Variants in PNOC observed in about 807,000 individuals in gnomAD.
PNOC encodes the protein nociceptin.
PNOC carries 10 observed loss-of-function variants against 15.6 expected under a neutral mutation model. That is an observed-to-expected ratio of 0.64 (90% CI 0.40 to 1.09). The LOEUF is 1.09. Ranked by LOEUF, PNOC falls within the 50% of genes least tolerant of loss-of-function variation. PNOC has a pLI of 0.01. For synonymous variants in PNOC, 98 were observed against 88.5 expected, an observed-to-expected ratio of 1.11 and a Z score of -0.60; for missense variants, 220 against 223.9, an observed-to-expected ratio of 0.98 and a Z score of 0.11.
In PNOC at chr8:28,339,285, G is replaced by A. The variant is rs762590162; in HGVS notation, c.372G>A (p.Lys124=). 1.2e-6 allele frequency: 2 copies of A among 1,610,834 alleles called. No homozygotes were observed. Among genetic ancestry groups the A allele is most frequent in the South Asian group, 1.1e-5 (1 of 90,936 alleles). The change falls in exon 3 of 4, where the codon AAG becomes AAA. Residue 124 remains lysine (K), a synonymous_variant. Coordinates refer to ENST00000301908, the MANE Select transcript of PNOC (RefSeq NM_006228.5). ...AGGAGGCTGGTGAGATGGAGCAGAA[G>A]CAGCTGCAGAAGAGATTTGGGGGCT... is the stretch of plus-strand genomic sequence containing the variant. ...GMEEAGEMEQ[K]QLQKRFGGFT...
At chr8:28,336,444 T>C (rs1292351701) in intron 2 of PNOC, among the ~76,000 whole-genome samples, 1 of 151,874 alleles carries the variant, frequency 6.6e-6, no homozygotes, top group African/African-American at 2.4e-5. Context: ...AAAGGATGGA[T>C]GGAAGGATGC....
chr8:28,338,080 C>A (rs1289489020), intron 2 of PNOC, among the ~76,000 whole-genome samples: 1 of 152,192 alleles, frequency 6.6e-6, no homozygotes, highest in Non-Finnish European at 1.5e-5. Context: ...TGATGAGGAG[C>A]TCTGCCTACT....
chr8:28,342,031 T>G (rs1801527986), intron 3 of PNOC, among the ~76,000 whole-genome samples: 1 of 152,092 alleles, frequency 6.6e-6, no homozygotes, highest in Non-Finnish European at 1.5e-5. Flanking sequence ...GGGGCCACCT[T>G]ACACTGGAAT....
intron 2 of PNOC, among the ~76,000 whole-genome samples, chr8:28,336,907 T>G (rs2129897410): frequency 6.6e-6 from 1 of 152,036 alleles, no homozygotes; most frequent in East Asian, 1.9e-4. Flanking sequence ...GTTTGAAATC[T>G]GAGTCAACTG....
chr8:28,320,996 T>C (rs7825003), intron 1 of PNOC, among the ~76,000 whole-genome samples: 98,747 of 152,020 alleles, frequency 0.65, 35,263 homozygotes, highest in Non-Finnish European at 0.79. Flanking sequence ...TTCTTTCTTT[T>C]TGAGTTGGAG....
At chr8:28,322,377 G>A (rs559327382) in intron 1 of PNOC, among the ~76,000 whole-genome samples, 4 of 152,248 alleles carry the variant, frequency 2.6e-5, no homozygotes, top group African/African-American at 9.6e-5. Context: ...GGGCAACAGA[G>A]CGAGACTCCA....
At chr8:28,318,440 G>A (rs1360705472) in intron 1 of PNOC, among the ~76,000 whole-genome samples, 3 of 152,172 alleles carry the variant, frequency 2.0e-5, no homozygotes, top group Non-Finnish European at 2.9e-5. Flanking sequence ...CACGGCATTC[G>A]CCAGCAAGCC....
At chr8:28,321,335 G>C (rs1279089961) in intron 1 of PNOC, among the ~76,000 whole-genome samples, 1 of 147,936 alleles carries the variant, frequency 6.8e-6, no homozygotes, top group Non-Finnish European at 1.5e-5. Flanking sequence ...CCAGCTAAAA[G>C]TAAATAAAAG....
chr8:28,342,048 A>T (rs73570770), intron 3 of PNOC, among the ~76,000 whole-genome samples: 3,569 of 152,256 alleles, frequency 0.023, 160 homozygotes, highest in African/African-American at 0.083. Flanking sequence ...GAATGGGATA[A>T]AGAACCCTAT....
intron 1 of PNOC, among the ~76,000 whole-genome samples, chr8:28,319,775 C>A (rs111570397): frequency 1.3e-5 from 2 of 152,196 alleles, no homozygotes. Flanking sequence ...GGTGGAGCTA[C>A]TCCTCAGATA....
At chr8:28,341,640 C>G (rs1457771367) in intron 3 of PNOC, among the ~76,000 whole-genome samples, 4 of 152,134 alleles carry the variant, frequency 2.6e-5, no homozygotes, top group Non-Finnish European at 5.9e-5. Flanking sequence ...TTCTAATCTT[C>G]TATTATGCTT....
intron 1 of PNOC, among the ~76,000 whole-genome samples, chr8:28,326,936 C>G (rs938421842): frequency 2.2e-4 from 34 of 152,316 alleles, no homozygotes; most frequent in African/African-American, 7.9e-4. Context: ...GTCTGCATTT[C>G]TAACAAGATT....
At chr8:28,320,218 C>A (rs1801127632) in intron 1 of PNOC, among the ~76,000 whole-genome samples, 2 of 149,136 alleles carry the variant, frequency 1.3e-5, no homozygotes, top group Non-Finnish European at 3.0e-5. Flanking sequence ...CCTCACCATG[C>A]ACCCCAGCTC....
chr8:28,328,196 T>C (rs1801258441), intron 1 of PNOC, among the ~76,000 whole-genome samples: 1 of 150,906 alleles, frequency 6.6e-6, no homozygotes, highest in African/African-American at 2.4e-5. Flanking sequence ...GCCTCCCAAG[T>C]AGCTAGGATT....
intron 1 of PNOC, among the ~76,000 whole-genome samples, chr8:28,326,215 C>T (rs1801223158): frequency 6.6e-6 from 1 of 151,806 alleles, no homozygotes; most frequent in Non-Finnish European, 1.5e-5. Flanking sequence ...AACCAAGCAT[C>T]CTGGGCTCAA....
At chr8:28,336,543 A>G (rs891031137) in intron 2 of PNOC, among the ~76,000 whole-genome samples, 2 of 152,188 alleles carry the variant, frequency 1.3e-5, no homozygotes, top group African/African-American at 2.4e-5. Flanking sequence ...ACAGCCTCAT[A>G]GGCCTCAAGG....
intron 2 of PNOC, 64 bp downstream of exon 2, chr8:28,329,347 C>T (rs891199297): frequency 3.2e-6 from 5 of 1,586,620 alleles, no homozygotes; most frequent in Non-Finnish European, 4.3e-6. Context: ...CCTCCCTACT[C>T]CAGAGCAGAC....
At chr8:28,318,592 C>T (rs1241016725) in intron 1 of PNOC, among the ~76,000 whole-genome samples, 1 of 152,128 alleles carries the variant, frequency 6.6e-6, no homozygotes, top group Non-Finnish European at 1.5e-5. Flanking sequence ...TAAAGTGTGG[C>T]AGGGAAATAT....
At chr8:28,318,240 G>A (rs1486976940) in intron 1 of PNOC, among the ~76,000 whole-genome samples, 1 of 152,016 alleles carries the variant, frequency 6.6e-6, no homozygotes, top group African/African-American at 2.4e-5. Context: ...TCTGAACATG[G>A]GCAAGTTCTG....
Sources: gnomAD v4.1 joint callset for allele counts (sites outside exome capture counted in the v4.1 genomes callset) on GRCh38, gnomAD v4.1.1 for gene constraint, MANE v1.5 for transcripts, NCBI Gene and HGNC (gene_info 2026-07-23, HGNC 2026-07-21) for gene names.